The following MPPED2 variants were observed in gnomAD, a reference collection of about 807,000 sequenced individuals.
MPPED2 encodes metallophosphoesterase MPPED2.
Under a neutral mutation model 33.0 loss-of-function variants are expected in MPPED2, and 5 were observed. The observed-to-expected ratio is 0.15, with a 90% CI of 0.08 to 0.32. The LOEUF (loss-of-function observed/expected upper bound fraction) is 0.32. MPPED2 is among the 10% of genes least tolerant of loss of function. The pLI, the probability that MPPED2 is intolerant of heterozygous loss-of-function variation, is 1.00. For synonymous variants in MPPED2, 136 were observed against 141.9 expected, an observed-to-expected ratio of 0.96 and a Z score of 0.29; for missense variants, 275 against 372.1, an observed-to-expected ratio of 0.74 and a Z score of 2.15.
intron 4 of MPPED2, among the ~76,000 whole-genome samples, chr11:30,436,176 T>C (rs1949318360): frequency 6.6e-6 from 1 of 151,812 alleles, no homozygotes; most frequent in African/African-American, 2.4e-5. Flanking sequence ...CTCTAAACTG[T>C]AAACCGCCAG....
exon 7 of MPPED2, chr11:30,388,621 T>G: frequency 7.1e-6 from 2 of 282,372 alleles, no homozygotes; most frequent in Non-Finnish European, 1.3e-5. Flanking sequence ...CTACAACCCC[T>G]TCCTGCAGTG....
At chr11:30,557,101 T>A (rs1229963415) in intron 2 of MPPED2, among the ~76,000 whole-genome samples, 1 of 151,676 alleles carries the variant, frequency 6.6e-6, no homozygotes, top group Non-Finnish European at 1.5e-5. Context: ...TTTATGAGAT[T>A]ATCATTTCAA....
chr11:30,410,176 A>G (rs1948052216), downstream of MPPED2: 9 of 985,662 alleles, frequency 9.1e-6, no homozygotes, highest in Non-Finnish European at 9.6e-6. Flanking sequence ...CTCCTTCCCC[A>G]GGACGAAACT....
At chr11:30,388,661 G>A (rs1398821905) in exon 7 of MPPED2, 1 of 417,442 alleles carries the variant, frequency 2.4e-6, no homozygotes, top group Non-Finnish European at 4.2e-6. Context: ...CACCTCCCCA[G>A]TCTGTTTCCT....
At chr11:30,558,620 C>T (rs1234708392) in intron 2 of MPPED2, among the ~76,000 whole-genome samples, 4 of 150,822 alleles carry the variant, frequency 2.7e-5, no homozygotes, top group African/African-American at 9.8e-5. Flanking sequence ...CAGGGTCTTG[C>T]TATGTTGCCC....
chr11:30,535,896 G>A lies in MPPED2; in HGVS notation c.310+98C>T, dbSNP rs1360872142. 4 of 999,786 alleles carry A rather than the reference G, an allele frequency of 4.0e-6. No individual in the cohort carries two copies. In the African/African-American group the frequency reaches 4.9e-5, roughly 12 times the overall value. 61.9% of individuals were successfully genotyped at this position (999,786 alleles called of 1,614,324 possible). On this transcript the variant is annotated intron_variant, in intron 3 of 6. Transcript: ENST00000358117. ...ACCGCATATCATACGAGAAATGGCT[G>A]AGCTGGCTTCCAAGTGCTCTAATTC...
At chr11:30,409,826 G>C (rs114426567), downstream of MPPED2, among the ~76,000 whole-genome samples, 90 of 152,264 alleles carry the variant, frequency 5.9e-4, no homozygotes, top group African/African-American at 2.1e-3. Flanking sequence ...TTACAAAAGT[G>C]AGGAGGAGAT....
Position 30,410,392 on chromosome 11 carries a change from A to T in MPPED2, c.*1076T>A, listed in dbSNP as rs1040981404. On this transcript the variant is annotated 3_prime_UTR_variant, in exon 7 of 7. Transcript: ENST00000358117. The stretch of plus-strand genomic sequence containing the variant: ...AAAACAGAAATGACTATTAGCGACA[A>T]TATTTTGTGCTAGCGAAGATTGCAT... The T allele has an allele frequency of 1.0e-5, 10 of 985,750 alleles. No individual in the cohort carries two copies. The highest frequency in any genetic ancestry group is 1.2e-5 in the Non-Finnish European group (10 of 829,912). 61.1% of individuals were successfully genotyped at this position (985,750 alleles called of 1,614,324 possible).
chr11:30,451,342 A>T (rs1299992318), intron 4 of MPPED2, among the ~76,000 whole-genome samples: 1 of 152,174 alleles, frequency 6.6e-6, no homozygotes, highest in Non-Finnish European at 1.5e-5. Context: ...TTGTCTAAGG[A>T]CCTTGGCTGT....
chr11:30,560,111 C>T (rs960259146), intron 2 of MPPED2, among the ~76,000 whole-genome samples: 3 of 152,112 alleles, frequency 2.0e-5, no homozygotes, highest in Non-Finnish European at 4.4e-5. Context: ...GTATGAAATA[C>T]AGCATTCTCA....
In MPPED2 at chr11:30,475,218, G is replaced by A. The variant is rs146473043; in HGVS notation, c.536+20078C>T. On this transcript the variant is annotated intron_variant, in intron 4 of 6. Transcript: ENST00000358117. ...CTTCAAATATTTGTTAAATCATATC[G>A]AATAAATGTTTAATGAAATAAGCCC... Among the ~76,000 whole-genome samples the A allele has an allele frequency of 6.8e-4, 103 of 151,836 alleles. No individual in the cohort carries two copies. In the South Asian group the frequency reaches 0.019, roughly 27 times the overall value.
At chr11:30,412,667 A>G (rs760935152) in intron 6 of MPPED2, among the ~76,000 whole-genome samples, 90 of 152,282 alleles carry the variant, frequency 5.9e-4, no homozygotes, top group Middle Eastern at 3.4e-3. Context: ...AAGTCTTGTT[A>G]TCTCTCTCCA....
intron 2 of MPPED2, among the ~76,000 whole-genome samples, chr11:30,577,796 C>T (rs2134885067): frequency 6.6e-6 from 1 of 152,292 alleles, no homozygotes; most frequent in South Asian, 2.1e-4. Context: ...ATCATGAAAA[C>T]ATTCAAAATG....
At chr11:30,538,839 C>T (rs1441768698) in intron 2 of MPPED2, among the ~76,000 whole-genome samples, 1 of 152,092 alleles carries the variant, frequency 6.6e-6, no homozygotes, top group African/African-American at 2.4e-5. Context: ...GAGGCGTATA[C>T]AGATGCAGAC....
chr11:30,481,499 C>T (rs558066765), intron 4 of MPPED2, among the ~76,000 whole-genome samples: 1 of 152,140 alleles, frequency 6.6e-6, no homozygotes, highest in African/African-American at 2.4e-5. Context: ...GCATCCAAGT[C>T]GACCTGTTTT....
At chr11:30,502,824 C>T (rs1952631457) in intron 3 of MPPED2, among the ~76,000 whole-genome samples, 1 of 152,168 alleles carries the variant, frequency 6.6e-6, no homozygotes, top group Admixed American at 6.5e-5. Context: ...ACGTGATCTC[C>T]TCTCTAGCTT....
intron 3 of MPPED2, among the ~76,000 whole-genome samples, chr11:30,496,324 G>A (rs553208902): frequency 7.2e-5 from 11 of 152,186 alleles, no homozygotes; most frequent in South Asian, 2.1e-4. Flanking sequence ...AATAAAGTAC[G>A]GGTCATACAT....
intron 3 of MPPED2, among the ~76,000 whole-genome samples, chr11:30,527,325 AAT>A (rs1456957234): frequency 1.3e-5 from 2 of 151,596 alleles, no homozygotes; most frequent in Non-Finnish European, 2.9e-5. Context: ...AGAAATCTTA[AAT>A]GTGTGAACCA....
chr11:30,451,505 T>C (rs557298493), intron 4 of MPPED2: 1 of 169,978 alleles, frequency 5.9e-6, no homozygotes, highest in Admixed American at 6.5e-5. Flanking sequence ...TATTTATCAT[T>C]CAAACCTGGC....
Sources: gnomAD v4.1 joint callset for allele counts (sites outside exome capture counted in the v4.1 genomes callset) on GRCh38, gnomAD v4.1.1 for gene constraint, MANE v1.5 for transcripts, NCBI Gene and HGNC (gene_info 2026-07-23, HGNC 2026-07-21) for gene names.